The following CNTN1 variants were observed in gnomAD, a reference collection of about 807,000 sequenced individuals.
CNTN1 encodes contactin-1.
A neutral mutation model predicts 126.4 loss-of-function variants in CNTN1; 38 were observed. The ratio of observed to expected loss-of-function variants is 0.30; its 90% CI spans 0.23 to 0.39. The LOEUF is 0.39. Ranked by LOEUF, CNTN1 falls within the 10% of genes least tolerant of loss-of-function variation. The probability of loss-of-function intolerance (pLI) is 1.00; values close to 1 mark genes in which losing one functional copy is unlikely to be tolerated. For missense variants in CNTN1, 1,009 were observed against 1,248.4 expected (o/e 0.81, Z 2.89); for synonymous variants, 413 against 422.6 (o/e 0.98, Z 0.28).
intron 14 of CNTN1, 139 bp downstream of exon 14, chr12:40,944,309 G>C (rs1330856261): frequency 4.0e-6 from 3 of 751,352 alleles, no homozygotes; most frequent in Non-Finnish European, 6.7e-6. Flanking sequence ...GCTTTCTGTG[G>C]TTCTCCTTAT....
chr12:40,949,123 G>C (rs1444453459), intron 14 of CNTN1, among the ~76,000 whole-genome samples: 1 of 151,448 alleles, frequency 6.6e-6, no homozygotes, highest in Non-Finnish European at 1.5e-5. Flanking sequence ...AGATCATGCT[G>C]TGATCTTGTA....
chr12:40,841,324 T>G (rs1451220693), intron 1 of CNTN1, among the ~76,000 whole-genome samples: 1 of 152,002 alleles, frequency 6.6e-6, no homozygotes, highest in African/African-American at 2.4e-5. Flanking sequence ...CTGTATCAGA[T>G]GGAATCACAG....
chr12:41,063,206 A>G (rs1949975839), intron 23 of CNTN1, among the ~76,000 whole-genome samples: 1 of 152,260 alleles, frequency 6.6e-6, no homozygotes, highest in Non-Finnish European at 1.5e-5. Context: ...TTCAGTAGCT[A>G]AAGAGAGCAC....
At chr12:41,029,024 A>G in intron 22 of CNTN1, 39 bp from the exon 23 acceptor site, 2 of 1,600,596 alleles carry the variant, frequency 1.2e-6, no homozygotes, top group South Asian at 2.2e-5. Context: ...GCTCATTATT[A>G]TGACTTTACT....
chr12:40,924,464 G>T, intron 5 of CNTN1, 93 bp from the exon 6 acceptor site: 3 of 734,552 alleles, frequency 4.1e-6, no homozygotes, highest in South Asian at 3.0e-5. Context: ...TGTATCTCAC[G>T]AATGAGTTAT....
Position 40,924,583 on chromosome 12 carries a change from C to G in CNTN1, c.427C>G (p.Arg143Gly). ...GYLDPFPPEE[R>G]PEVRVKEGKG... is the part of the protein sequence containing the mutation. Reference sequence around the variant, plus strand: ...TCTTGATCCTTTCCCACCTGAGGAACGTCCTGAGGTCAGAGTAAAAGAAGG... The same window carrying G: ...TCTTGATCCTTTCCCACCTGAGGAAGGTCCTGAGGTCAGAGTAAAAGAAGG... The change falls in exon 6 of 24, where the codon CGT (arginine) becomes GGT (glycine). Residue 143 changes from arginine (R) to glycine (G), a missense_variant. Transcript: ENST00000551295. 1 of 1,599,268 alleles carries G rather than the reference C, an allele frequency of 6.3e-7. No individual in the cohort carries two copies.
rs538904665 is a variant in CNTN1, at chr12:40,854,269, T to C, written c.-76-54088T>C. On this transcript the variant is annotated intron_variant, in intron 1 of 23. Coordinates refer to ENST00000551295, the MANE Select transcript of CNTN1 (RefSeq NM_001843.4). ...GAAATTGCAAGAGCATAGAATTTCC[T>C]CATGGGATAAAAGTGAGTGGGAGAG... Among the ~76,000 whole-genome samples the C allele has an allele frequency of 2.8e-4, 43 of 152,128 alleles. 1 individual carries two copies. In the South Asian group the frequency reaches 6.4e-3, roughly 23 times the overall value.
Position 41,056,733 on chromosome 12 carries a change from T to A in CNTN1, c.2981-13226T>A, listed in dbSNP as rs548159809. Reference sequence around the variant, plus strand: ...ATAAACTCAGATTACTTTCTTTTAATCTTCTAGACTCCATCCGTACAAGTG... The same window carrying A: ...ATAAACTCAGATTACTTTCTTTTAAACTTCTAGACTCCATCCGTACAAGTG... On this transcript the variant is annotated intron_variant, in intron 23 of 23. Transcript: ENST00000551295. Among the ~76,000 whole-genome samples, 76 of 151,798 alleles carry A rather than the reference T, an allele frequency of 5.0e-4. 1 individual carries two copies. The highest frequency in any genetic ancestry group is 2.1e-3 in the South Asian group (10 of 4,826).
At chr12:40,735,349 A>C (rs576151778) in intron 1 of CNTN1, among the ~76,000 whole-genome samples, 1 of 151,996 alleles carries the variant, frequency 6.6e-6, no homozygotes, top group East Asian at 1.9e-4. Flanking sequence ...ACACACAAAG[A>C]AAGAAACGTA....
At chr12:40,723,087 A>T (rs1942260139) in intron 1 of CNTN1, among the ~76,000 whole-genome samples, 1 of 152,026 alleles carries the variant, frequency 6.6e-6, no homozygotes, top group Non-Finnish European at 1.5e-5. Flanking sequence ...CGCCATAGAG[A>T]GCTGTTAGAG....
intron 23 of CNTN1, among the ~76,000 whole-genome samples, chr12:41,051,066 T>G (rs1949664081): frequency 6.6e-6 from 1 of 151,978 alleles, no homozygotes; most frequent in Non-Finnish European, 1.5e-5. Context: ...TTCCACTCCC[T>G]GGAGACACAG....
At chr12:41,010,239 G>A (rs1948611197) in intron 17 of CNTN1, among the ~76,000 whole-genome samples, 4 of 152,132 alleles carry the variant, frequency 2.6e-5, no homozygotes, top group Admixed American at 2.6e-4. Flanking sequence ...CAATCCTGTT[G>A]GACAATCTGT....
intron 1 of CNTN1, among the ~76,000 whole-genome samples, chr12:40,774,421 A>G (rs1939494644): frequency 6.6e-6 from 1 of 151,704 alleles, no homozygotes; most frequent in African/African-American, 2.4e-5. Context: ...ACATCGATCT[A>G]TCAGTAGTTC....
intron 14 of CNTN1, among the ~76,000 whole-genome samples, chr12:40,952,465 C>T (rs10784965): frequency 0.12 from 17,821 of 151,848 alleles, 1,097 homozygotes; most frequent in Non-Finnish European, 0.12. Context: ...AGTAGGAGTT[C>T]AATAGTAGTA....
At chr12:40,918,505 G>A (rs761358308) in intron 3 of CNTN1, 134 bp from the exon 4 acceptor site, 4 of 779,336 alleles carry the variant, frequency 5.1e-6, no homozygotes, top group Non-Finnish European at 8.5e-6. Context: ...GTATTATGGA[G>A]GCAAATATCT....
chr12:40,737,853 TAA>T (rs938915660), intron 1 of CNTN1, among the ~76,000 whole-genome samples: 1 of 151,894 alleles, frequency 6.6e-6, no homozygotes, highest in Non-Finnish European at 1.5e-5. Context: ...AAGATCAAAA[TAA>T]AAGACTAGCA....
In CNTN1 at chr12:40,918,600, A is replaced by G. The variant is rs1945326763; in HGVS notation, c.95-39A>G. ...TGTTCTCAAATTTTCTTTGACTTAT[A>G]AAGCAGTACAATGTAAAACAATTTC... On this transcript the variant is annotated intron_variant, in intron 3 of 23. Coordinates refer to ENST00000551295, the MANE Select transcript of CNTN1 (RefSeq NM_001843.4). The G allele has an allele frequency of 2.5e-6, 4 of 1,587,644 alleles. No homozygotes were observed. In the South Asian group the frequency reaches 3.3e-5, roughly 13 times the overall value.
intron 1 of CNTN1, among the ~76,000 whole-genome samples, chr12:40,716,645 C>A (rs1246474708): frequency 6.6e-6 from 1 of 152,132 alleles, no homozygotes; most frequent in Non-Finnish European, 1.5e-5. Context: ...ATGAAAAGGG[C>A]ATTGGAAGAT....
In CNTN1 at chr12:40,993,214, A is replaced by G. The variant is rs1363409507; in HGVS notation, c.2058A>G (p.Thr686=). The G allele has an allele frequency of 1.2e-6, 2 of 1,613,902 alleles. No individual in the cohort carries two copies. Among genetic ancestry groups the G allele is most frequent in the African/African-American group, 1.3e-5 (1 of 75,044 alleles). Residue 686 remains threonine (T), a synonymous_variant, in exon 17 of 24, where the codon ACA becomes ACG. Transcript: ENST00000551295. ...AATTCCGCGTGGTAGCAACCAATAC[A>G]CTGGGTAGAGGAGAGCCCAGTATAC... ...EYEFRVVATN[T]LGRGEPSIPS...
Sources: allele counts gnomAD v4.1 joint callset (sites outside exome capture counted in the v4.1 genomes callset), GRCh38; gene constraint gnomAD v4.1.1; transcripts MANE v1.5; gene names NCBI Gene and HGNC (gene_info 2026-07-23, HGNC 2026-07-21).